The following DLGAP1 variants were observed in gnomAD, a reference collection of about 807,000 sequenced individuals.
DLGAP1 encodes the protein disks large-associated protein 1.
In DLGAP1, 11 loss-of-function variants were observed where a neutral mutation model predicts 90.8. The observed-to-expected ratio is 0.12, with a 90% confidence interval of 0.08 to 0.20. The LOEUF (loss-of-function observed/expected upper bound fraction) is 0.20. Among genes scored for constraint, DLGAP1 ranks in the 10% least tolerant of loss-of-function variants. DLGAP1 has a pLI of 1.00. For missense variants in DLGAP1, 1,050 were observed against 1,333.8 expected, an observed-to-expected ratio of 0.79 and a Z score of 3.31; for synonymous variants, 558 against 540.7, an observed-to-expected ratio of 1.03 and a Z score of -0.44.
chr18:3,894,991 G>A (rs2071578570), intron 3 of DLGAP1, among the ~76,000 whole-genome samples: 1 of 152,126 alleles, frequency 6.6e-6, no homozygotes, highest in African/African-American at 2.4e-5. Context: ...ATTTATACTT[G>A]CTATGGTTTT....
rs1381149024 is a variant in DLGAP1 at position 3,614,983 on chromosome 18, AC to A, written c.1592-32736del. On this transcript the variant is annotated intron_variant, in intron 7 of 12. Transcript: ENST00000315677. ...GTTGCCCAGGTTGGAGTGCAATGGC[AC>A]GATCTCGGCTCACCGCAACCTCCGC... Among the ~76,000 whole-genome samples, 658 of 126,248 alleles carry A rather than the reference AC, an allele frequency of 5.2e-3. 6 individuals are homozygous for A. The highest frequency in any genetic ancestry group is 0.019 in the African/African-American group (616 of 32,890). 82.8% of individuals were successfully genotyped at this position (126,248 alleles called of 152,430 possible).
intron 7 of DLGAP1, among the ~76,000 whole-genome samples, chr18:3,657,735 T>G (rs1430033627): frequency 6.6e-6 from 1 of 151,878 alleles, no homozygotes; most frequent in Non-Finnish European, 1.5e-5. Context: ...CCCGAATAGC[T>G]GGTACTACAG....
intron 7 of DLGAP1, among the ~76,000 whole-genome samples, chr18:3,661,021 A>G (rs2059663173): frequency 6.6e-6 from 1 of 152,178 alleles, no homozygotes; most frequent in Admixed American, 6.6e-5. Context: ...CTGCAGGTGG[A>G]GAGACTTTTT....
At chr18:3,886,130 G>A (rs1402336893) in intron 3 of DLGAP1, among the ~76,000 whole-genome samples, 1 of 152,134 alleles carries the variant, frequency 6.6e-6, no homozygotes, top group African/African-American at 2.4e-5. Flanking sequence ...CCATGAGGAT[G>A]GACAGGCAGG....
chr18:3,664,720 G>T (rs2059817022), intron 7 of DLGAP1, among the ~76,000 whole-genome samples: 1 of 152,128 alleles, frequency 6.6e-6, no homozygotes. Context: ...CCCCTAGATG[G>T]TAAACTCCAT....
intron 7 of DLGAP1, among the ~76,000 whole-genome samples, chr18:3,695,906 G>C (rs953461300): frequency 6.6e-6 from 1 of 150,942 alleles, no homozygotes; most frequent in Non-Finnish European, 1.5e-5. Context: ...TTCTTGAAGA[G>C]GTCCTTCACA....
rs548614019 is a variant in DLGAP1 at position 4,298,434 on chromosome 18, T to C, written c.-266-147147A>G. On this transcript the variant is annotated intron_variant, in intron 1 of 12. Coordinates refer to ENST00000315677, the MANE Select transcript of DLGAP1 (RefSeq NM_004746.4). The stretch of plus-strand genomic sequence containing the variant: ...AAGAAGCATATACACCATGGAATAC[T>C]ATGCAGCCATAAAAAATGATGAGTT... 2.1e-4 allele frequency among the ~76,000 whole-genome samples: 32 copies of C among 152,306 alleles called. No individual in the cohort carries two copies. In the South Asian group the frequency reaches 3.5e-3, roughly 17 times the overall value.
chr18:4,254,137 C>T (rs567449429), intron 1 of DLGAP1, among the ~76,000 whole-genome samples: 1 of 152,192 alleles, frequency 6.6e-6, no homozygotes, highest in Non-Finnish European at 1.5e-5. Context: ...GACTCATCCA[C>T]GGCACAAGTT....
At chr18:3,546,727 T>C (rs1329470605) in intron 9 of DLGAP1, among the ~76,000 whole-genome samples, 3 of 151,964 alleles carry the variant, frequency 2.0e-5, no homozygotes, top group Admixed American at 6.6e-5. Flanking sequence ...TCAAAATTTG[T>C]AGGATATAGT....
At chr18:4,260,127 T>C (rs1257419501) in intron 1 of DLGAP1, among the ~76,000 whole-genome samples, 2 of 152,190 alleles carry the variant, frequency 1.3e-5, no homozygotes, top group Non-Finnish European at 2.9e-5. Flanking sequence ...CTGCCTAACA[T>C]GAGAACAAAA....
rs568405271 is a variant in DLGAP1 at position 3,990,535 on chromosome 18, A to G, written c.-73+14581T>C. 3.3e-3 allele frequency among the ~76,000 whole-genome samples: 504 copies of G among 151,240 alleles called. 2 individuals are homozygous for G. Among genetic ancestry groups the G allele is most frequent in the Middle Eastern group, 0.024 (7 of 288 alleles). ...CATTAGGAGATATACCTAATGCTAAATGACGAGTTAATGGGTGCAACACAC... is the reference window on the plus strand; with the variant it reads ...CATTAGGAGATATACCTAATGCTAAGTGACGAGTTAATGGGTGCAACACAC... On this transcript the variant is annotated intron_variant, in intron 3 of 12. Coordinates refer to ENST00000315677, the MANE Select transcript of DLGAP1 (RefSeq NM_004746.4).
chr18:3,995,014 G>T (rs538352495), intron 3 of DLGAP1, among the ~76,000 whole-genome samples: 3 of 152,280 alleles, frequency 2.0e-5, no homozygotes, highest in African/African-American at 7.2e-5. Flanking sequence ...AGTATCTATA[G>T]ATTATGCTCA....
At chr18:4,036,088 T>A (rs1684634933) in intron 2 of DLGAP1, among the ~76,000 whole-genome samples, 2 of 152,192 alleles carry the variant, frequency 1.3e-5, no homozygotes, top group South Asian at 4.1e-4. Flanking sequence ...AACAGATACC[T>A]TTAAAACTAG....
chr18:4,176,511 T>C (rs1386602828), intron 1 of DLGAP1, among the ~76,000 whole-genome samples: 1 of 152,224 alleles, frequency 6.6e-6, no homozygotes, highest in Non-Finnish European at 1.5e-5. Flanking sequence ...CTACCCTATC[T>C]GCTCCATCTA....
In DLGAP1 at chr18:4,383,723, G is replaced by A. The variant is rs536019840; in HGVS notation, c.-267+71283C>T. On this transcript the variant is annotated intron_variant, in intron 1 of 12. Coordinates refer to ENST00000315677, the MANE Select transcript of DLGAP1 (RefSeq NM_004746.4). This position sits in a 1 kb window ranked among gnomAD's most constrained non-coding sequence, Gnocchi z 4.0. ...ACCCACATAATATGACCATGTGACT[G>A]TTTTAAGTAACCAAATGGAGAAAAC... Among the ~76,000 whole-genome samples, 24 of 152,210 alleles carry A rather than the reference G, an allele frequency of 1.6e-4. No individual in the cohort carries two copies. The highest frequency in any genetic ancestry group is 5.5e-4 in the African/African-American group (23 of 41,540).
chr18:4,096,929 A>G lies in DLGAP1; in HGVS notation c.-159+54251T>C, dbSNP rs567613581. Among the ~76,000 whole-genome samples the G allele has an allele frequency of 3.3e-5, 5 of 152,354 alleles. No individual in the cohort carries two copies. In the East Asian group the frequency reaches 9.6e-4, roughly 29 times the overall value. On this transcript the variant is annotated intron_variant, in intron 2 of 12. Transcript: ENST00000315677. ...AAAGATTACATGAATTAAGTTAATGAAAGTACTTAGATTAGTGTCTGGCAC... is the reference window on the plus strand; with the variant it reads ...AAAGATTACATGAATTAAGTTAATGGAAGTACTTAGATTAGTGTCTGGCAC...
chr18:4,022,350 T>TTA (rs1240692676), intron 2 of DLGAP1, among the ~76,000 whole-genome samples: 3 of 149,306 alleles, frequency 2.0e-5, no homozygotes, highest in East Asian at 1.9e-4. Flanking sequence ...TCAGCTTTTA[T>TTA]TATATATATA....
chr18:4,290,616 T>C (rs1347146120), intron 1 of DLGAP1, among the ~76,000 whole-genome samples: 1 of 152,202 alleles, frequency 6.6e-6, no homozygotes, highest in Non-Finnish European at 1.5e-5. Flanking sequence ...TCTAGAACTA[T>C]TTTCAGTTTC....
intron 3 of DLGAP1, among the ~76,000 whole-genome samples, chr18:3,966,080 C>T (rs1388820445): frequency 1.3e-5 from 2 of 151,502 alleles, no homozygotes; most frequent in African/African-American, 4.9e-5. Context: ...ATAATAAGTG[C>T]CCTGAAAAAA....
Sources: allele counts gnomAD v4.1 joint callset (sites outside exome capture counted in the v4.1 genomes callset), GRCh38; gene constraint gnomAD v4.1.1; non-coding constraint Gnocchi (gnomAD v3.1); transcripts MANE v1.5; gene names NCBI Gene and HGNC (gene_info 2026-07-23, HGNC 2026-07-21).